ATG10: variants seen among roughly 807,000 people sequenced by gnomAD.
The protein encoded by ATG10 is ubiquitin-like-conjugating enzyme ATG10.
ATG10 carries 30 observed loss-of-function variants against 32.1 expected under a neutral mutation model. That is an observed-to-expected ratio of 0.94 (90% CI 0.70 to 1.27). The LOEUF is 1.27. Among genes scored for constraint, ATG10 ranks in the 50% most tolerant of loss-of-function variants. The probability of loss-of-function intolerance (pLI) is 0.00; values close to 1 mark genes in which losing one functional copy is unlikely to be tolerated. For synonymous variants in ATG10, 87 were observed against 91.5 expected (o/e 0.95, Z 0.28); for missense variants, 233 against 262.3 (o/e 0.89, Z 0.77).
intron 4 of ATG10, among the ~76,000 whole-genome samples, chr5:82,166,363 T>G (rs1743582417): frequency 6.6e-6 from 1 of 152,106 alleles, no homozygotes. Context: ...TTGTGTAGAG[T>G]GGGTATTAGG....
At chr5:82,118,060 A>G (rs1479388287) in intron 3 of ATG10, among the ~76,000 whole-genome samples, 2 of 151,974 alleles carry the variant, frequency 1.3e-5, no homozygotes, top group Non-Finnish European at 2.9e-5. Context: ...AGAACAATAA[A>G]TAAATCAGAA....
chr5:82,095,791 A>G (rs1225699501), intron 3 of ATG10, among the ~76,000 whole-genome samples: 3 of 152,096 alleles, frequency 2.0e-5, no homozygotes, highest in Non-Finnish European at 2.9e-5. Flanking sequence ...GGCCTTCCTC[A>G]TATTTCTCTC....
intron 5 of ATG10, among the ~76,000 whole-genome samples, chr5:82,210,899 G>T (rs1745468530): frequency 6.6e-6 from 1 of 152,132 alleles, no homozygotes; most frequent in Non-Finnish European, 1.5e-5. Context: ...TTGGAGGCAG[G>T]GAGAGTTAAT....
At chr5:82,218,052 T>TAC (rs60254193) in intron 5 of ATG10, among the ~76,000 whole-genome samples, 15,909 of 145,096 alleles carry the variant, frequency 0.11, 826 homozygotes, top group African/African-American at 0.12. Context: ...GTTCTCTCTT[T>TAC]ACACACACAC....
At chr5:82,084,244 C>A (rs1335250230) in intron 3 of ATG10, among the ~76,000 whole-genome samples, 1 of 152,040 alleles carries the variant, frequency 6.6e-6, no homozygotes, top group Non-Finnish European at 1.5e-5. Flanking sequence ...GATTGAAGAT[C>A]AAATGAATTA....
intron 1 of ATG10, among the ~76,000 whole-genome samples, chr5:81,983,896 C>CA (rs1432076231): frequency 6.6e-6 from 1 of 151,418 alleles, no homozygotes; most frequent in African/African-American, 2.4e-5. Context: ...CCCCACATCT[C>CA]AGACTATGGG....
At chr5:82,245,718 A>G (rs1020319456) in intron 5 of ATG10, among the ~76,000 whole-genome samples, 7 of 152,224 alleles carry the variant, frequency 4.6e-5, no homozygotes, top group Non-Finnish European at 8.8e-5. Flanking sequence ...TGCATTCTTC[A>G]TAACTCAAGG....
intron 5 of ATG10, among the ~76,000 whole-genome samples, chr5:82,186,448 G>A (rs1042820049): frequency 6.6e-6 from 1 of 152,056 alleles, no homozygotes; most frequent in African/African-American, 2.4e-5. Context: ...TGGTATCTTC[G>A]AGTAATAATG....
chr5:82,139,938 T>TGGGG (rs1458106159), intron 3 of ATG10, among the ~76,000 whole-genome samples: 1 of 52,982 alleles, frequency 1.9e-5, no homozygotes, highest in African/African-American at 8.9e-5. Flanking sequence ...GGGAGGGAGG[T>TGGGG]GGGGGGGTCA....
chr5:82,097,537 C>G (rs929319530), intron 3 of ATG10, among the ~76,000 whole-genome samples: 1 of 152,158 alleles, frequency 6.6e-6, no homozygotes, highest in Non-Finnish European at 1.5e-5. Context: ...GAAACCCAAA[C>G]TAGAAACACA....
In ATG10 at chr5:82,058,545, G is replaced by T. The variant is rs1763672851; in HGVS notation, c.159G>T (p.Gly53=). The change falls in exon 3 of 8, where the codon GGG becomes GGT. Residue 53 remains glycine, a synonymous_variant. Transcript: ENST00000282185. The stretch of plus-strand genomic sequence containing the variant: ...AAATACACTTTCAAATTAAGAATGG[G>T]TCTGTGATGTCACATCTAGGAGCAT... ...MCKIHFQIKN[G]SVMSHLGAST... is the part of the protein sequence containing the mutation. 3 of 1,613,164 alleles carry T rather than the reference G, an allele frequency of 1.9e-6. No individual in the cohort carries two copies. Among genetic ancestry groups the T allele is most frequent in the African/African-American group, 2.7e-5 (2 of 74,832 alleles).
chr5:82,127,027 G>A (rs1471135850), intron 3 of ATG10, among the ~76,000 whole-genome samples: 1 of 152,124 alleles, frequency 6.6e-6, no homozygotes, highest in African/African-American at 2.4e-5. Context: ...TATTTGTCTA[G>A]GAAATTATCC....
chr5:82,245,550 C>G (rs922157287), intron 5 of ATG10, among the ~76,000 whole-genome samples: 2 of 152,140 alleles, frequency 1.3e-5, no homozygotes, highest in African/African-American at 4.8e-5. Context: ...CAAGATTAAC[C>G]ACATTTTTCA....
At chr5:82,048,402 G>A (rs1271175739) in intron 2 of ATG10, among the ~76,000 whole-genome samples, 7 of 150,816 alleles carry the variant, frequency 4.6e-5, no homozygotes, top group Admixed American at 4.0e-4. Context: ...CTTGAGCAGT[G>A]GTTTGTAGTT....
intron 2 of ATG10, among the ~76,000 whole-genome samples, chr5:82,010,658 T>G (rs1762104700): frequency 6.6e-6 from 1 of 152,226 alleles, no homozygotes; most frequent in Non-Finnish European, 1.5e-5. Context: ...TTACTAGGTA[T>G]ATTTTGTAAC....
rs771610260 is a variant in ATG10 at position 81,987,729 on chromosome 5, G to A, written c.108+51G>A. On this transcript the variant is annotated intron_variant, in intron 2 of 7. Coordinates refer to ENST00000282185, the MANE Select transcript of ATG10 (RefSeq NM_031482.5). ...GTCTCAAAAGAGGATTTTTTGTTTTGTTTTGTTTTGGTTTGTTGACAGGTA... is the reference window on the plus strand; with the variant it reads ...GTCTCAAAAGAGGATTTTTTGTTTTATTTTGTTTTGGTTTGTTGACAGGTA... The A allele has an allele frequency of 2.7e-6, 4 of 1,465,718 alleles. No homozygotes were observed. In the East Asian group the frequency reaches 9.2e-5, roughly 34 times the overall value. The allele number at this position is 1,465,718 out of a possible 1,614,324, so 90.8% of individuals were successfully genotyped here. A position where few individuals can be genotyped will look rare whatever the true frequency, so the allele number is the denominator to read the frequency against.
At chr5:82,031,525 C>T (rs1333054403) in intron 2 of ATG10, among the ~76,000 whole-genome samples, 3 of 152,198 alleles carry the variant, frequency 2.0e-5, no homozygotes, top group African/African-American at 4.8e-5. Context: ...AAAGGCTGTG[C>T]CTGCATTCAC....
intron 2 of ATG10, among the ~76,000 whole-genome samples, chr5:82,038,424 G>A (rs1762996893): frequency 1.3e-5 from 2 of 152,200 alleles, no homozygotes; most frequent in Admixed American, 1.3e-4. Flanking sequence ...GTTAAGTGTG[G>A]AATTCCACAG....
At chr5:82,141,872 C>T (rs1767163200) in intron 3 of ATG10, among the ~76,000 whole-genome samples, 2 of 152,026 alleles carry the variant, frequency 1.3e-5, no homozygotes, top group South Asian at 4.1e-4. Context: ...ATTCCAGTTG[C>T]CCGTGGGATA....
Sources: allele counts gnomAD v4.1 joint callset (sites outside exome capture counted in the v4.1 genomes callset), GRCh38; gene constraint gnomAD v4.1.1; transcripts MANE v1.5; gene names NCBI Gene and HGNC (gene_info 2026-07-23, HGNC 2026-07-21).